Variants in IL1RAPL2 observed in about 807,000 individuals in gnomAD.
The protein encoded by IL1RAPL2 is X-linked interleukin-1 receptor accessory protein-like 2.
Under a neutral mutation model 44.1 loss-of-function variants are expected in IL1RAPL2, and 3 were observed. The observed-to-expected ratio is 0.07, with a 90% CI of 0.03 to 0.18. The LOEUF (loss-of-function observed/expected upper bound fraction) is 0.18. IL1RAPL2 is among the 10% of genes least tolerant of loss of function. The probability of loss-of-function intolerance (pLI) is 1.00; values close to 1 mark genes in which losing one functional copy is unlikely to be tolerated. For missense variants in IL1RAPL2, 391 were observed against 496.4 expected, an observed-to-expected ratio of 0.79 and a Z score of 2.02; for synonymous variants, 181 against 178.8, an observed-to-expected ratio of 1.01 and a Z score of -0.10.
intron 1 of IL1RAPL2, among the ~76,000 whole-genome samples, chrX:104,585,963 A>T (rs1256635324): frequency 9.0e-6 from 1 of 111,419 alleles, no homozygotes; most frequent in Non-Finnish European, 1.9e-5. Context: ...TGTACGCAGT[A>T]ATGGGATTGC....
chrX:105,443,791 C>G (rs2147756600), intron 5 of IL1RAPL2, among the ~76,000 whole-genome samples: 1 of 112,389 alleles, frequency 8.9e-6, no homozygotes, highest in South Asian at 3.7e-4. Flanking sequence ...GTAAACAGTG[C>G]TGCACAAGCA....
intron 6 of IL1RAPL2, among the ~76,000 whole-genome samples, chrX:105,618,331 G>A (rs2037393650): frequency 1.8e-5 from 2 of 110,125 alleles, no homozygotes; most frequent in Non-Finnish European, 1.9e-5. Context: ...TGGGCACTAG[G>A]CTTAAAACCT....
At chrX:105,182,447 A>G (rs1213696231) in intron 2 of IL1RAPL2, among the ~76,000 whole-genome samples, 1 of 111,776 alleles carries the variant, frequency 8.9e-6, no homozygotes, top group Non-Finnish European at 1.9e-5. Context: ...ATGAAAATGC[A>G]GCTATTCCTG....
chrX:105,044,326 A>G (rs2031807125), intron 2 of IL1RAPL2, among the ~76,000 whole-genome samples: 1 of 111,361 alleles, frequency 9.0e-6, no homozygotes. Flanking sequence ...GTGGTTAGAT[A>G]TGGTGAACTG....
chrX:105,306,434 TC>T (rs1191766175), intron 5 of IL1RAPL2, among the ~76,000 whole-genome samples: 1 of 111,880 alleles, frequency 8.9e-6, no homozygotes, highest in Non-Finnish European at 1.9e-5. Context: ...CTTAATCATG[TC>T]TTTTATAGAT....
At chrX:105,499,821 A>T (rs976198388) in intron 6 of IL1RAPL2, among the ~76,000 whole-genome samples, 1 of 112,182 alleles carries the variant, frequency 8.9e-6, no homozygotes, top group Admixed American at 9.5e-5. Flanking sequence ...AAAATGGTGC[A>T]GCCTCAATGG....
intron 6 of IL1RAPL2, among the ~76,000 whole-genome samples, chrX:105,595,842 T>C (rs181359254): frequency 4.5e-4 from 50 of 111,602 alleles, no homozygotes; most frequent in Non-Finnish European, 7.5e-4. Flanking sequence ...AATCTCCTTA[T>C]ATATTATTGG....
At position 105,012,641 on chromosome X, in the gene IL1RAPL2, T is replaced by A. The variant is rs370374765; in HGVS notation, c.83-182834T>A. Reference sequence around the variant, plus strand: ...CTCTCTCTCTCTCTCTCTCTCTCTCTCTCTCACACACACACACACACACAC... The same window carrying A: ...CTCTCTCTCTCTCTCTCTCTCTCTCACTCTCACACACACACACACACACAC... On this transcript the variant is annotated intron_variant, in intron 2 of 10. Coordinates refer to ENST00000372582, the MANE Select transcript of IL1RAPL2 (RefSeq NM_017416.2). 8.4e-3 allele frequency among the ~76,000 whole-genome samples: 514 copies of A among 61,503 alleles called. 2 individuals carry two copies. The highest frequency in any genetic ancestry group is 0.037 in the African/African-American group (486 of 13,011). 53.4% of individuals were successfully genotyped at this position (61,503 alleles called of 115,157 possible).
chrX:105,127,384 A>G (rs1350527653), intron 2 of IL1RAPL2, among the ~76,000 whole-genome samples: 2 of 111,395 alleles, frequency 1.8e-5, no homozygotes, highest in African/African-American at 6.5e-5. Flanking sequence ...ATTTTAATTT[A>G]TGCGTAGGTA....
intron 2 of IL1RAPL2, among the ~76,000 whole-genome samples, chrX:105,183,085 C>T (rs2033549446): frequency 9.0e-6 from 1 of 111,195 alleles, no homozygotes; most frequent in Non-Finnish European, 1.9e-5. Flanking sequence ...GTGTTTCAGA[C>T]TGGGTGGGCC....
At position 105,767,205 on chromosome X, in the gene IL1RAPL2, G is replaced by T. The variant is rs770987014; in HGVS notation, c.1605G>T (p.Lys535Asn). Residue 535 changes from lysine to asparagine, a missense_variant, in exon 11 of 11, where the codon AAG becomes AAT. Physicochemically the swap from Lys to Asn is moderately conservative, Grantham distance 94. Coordinates refer to ENST00000372582, the MANE Select transcript of IL1RAPL2 (RefSeq NM_017416.2). ...KRSIKLLSLI[K>N]WKGSKSSKLN... is the part of the protein sequence containing the mutation. ...GCATCAAACTTCTGTCCCTGATCAAGTGGAAGGGATCCAAAAGCAGCAAAT... is the reference window on the plus strand; with the variant it reads ...GCATCAAACTTCTGTCCCTGATCAATTGGAAGGGATCCAAAAGCAGCAAAT... 4.1e-6 allele frequency: 5 copies of T among 1,211,200 alleles called. No individual in the cohort carries two copies. The Admixed American group carries it at 1.1e-4, about 26-fold the overall frequency.
chrX:104,849,997 C>A, intron 2 of IL1RAPL2, among the ~76,000 whole-genome samples: 1 of 110,522 alleles, frequency 9.0e-6, no homozygotes, highest in African/African-American at 3.3e-5. Context: ...ACAAAAGATC[C>A]TATAGGTTTT....
At chrX:105,164,914 G>C (rs1471736808) in intron 2 of IL1RAPL2, among the ~76,000 whole-genome samples, 3 of 111,869 alleles carry the variant, frequency 2.7e-5, no homozygotes, top group Middle Eastern at 4.7e-3. Context: ...TGTGCTTAGT[G>C]TTAGCTACTA....
intron 2 of IL1RAPL2, among the ~76,000 whole-genome samples, chrX:104,684,831 G>A (rs942545689): frequency 1.2e-4 from 14 of 112,215 alleles, no homozygotes; most frequent in Admixed American, 5.7e-4. Flanking sequence ...TTCAGGGTTC[G>A]TTTGACAATC....
intron 6 of IL1RAPL2, among the ~76,000 whole-genome samples, chrX:105,674,788 A>G (rs1319596553): frequency 1.8e-5 from 2 of 112,081 alleles, no homozygotes; most frequent in Non-Finnish European, 3.8e-5. Flanking sequence ...CTTCCTATCC[A>G]TGAGCATGGA....
Position 104,632,318 on chromosome X carries a change from G to A in IL1RAPL2, c.-19-26577G>A, listed in dbSNP as rs372899494. ...TCTTTTGGCTTAGGATTGACTTGGC[G>A]ATGCGGGCTCTTTTTTGGTTCCATA... On this transcript the variant is annotated intron_variant, in intron 1 of 10. Transcript: ENST00000372582. 1.1e-3 allele frequency among the ~76,000 whole-genome samples: 119 copies of A among 111,217 alleles called. No individual in the cohort carries two copies. The East Asian group carries it at 0.021, about 20-fold the overall frequency.
chrX:105,183,453 G>A (rs1469980745), intron 2 of IL1RAPL2, among the ~76,000 whole-genome samples: 3 of 111,597 alleles, frequency 2.7e-5, no homozygotes, highest in Admixed American at 9.5e-5. Context: ...CAGGCAAGTG[G>A]GTGGCTTTCA....
chrX:105,050,965 G>A, intron 2 of IL1RAPL2, among the ~76,000 whole-genome samples: 1 of 112,486 alleles, frequency 8.9e-6, no homozygotes, highest in Non-Finnish European at 1.9e-5. Context: ...CCTGCTCCAA[G>A]TTGGGTGCTT....
At chrX:105,377,407 T>A (rs1268953321) in intron 5 of IL1RAPL2, among the ~76,000 whole-genome samples, 8 of 107,694 alleles carry the variant, frequency 7.4e-5, no homozygotes, top group Admixed American at 7.1e-4. Context: ...TGTGTGTGTG[T>A]GAGAGAGAGA....
Sources: gnomAD v4.1 joint callset for allele counts (sites outside exome capture counted in the v4.1 genomes callset) on GRCh38, gnomAD v4.1.1 for gene constraint, MANE v1.5 for transcripts, NCBI Gene and HGNC (gene_info 2026-07-23, HGNC 2026-07-21) for gene names.